Variants in WDR7 observed in about 807,000 individuals in gnomAD.
WDR7 encodes the protein WD repeat domain 7, also known as WD repeat-containing protein 7.
Under a neutral mutation model 169.4 loss-of-function variants are expected in WDR7, and 46 were observed. The observed-to-expected ratio is 0.27, with a 90% CI of 0.21 to 0.35. The LOEUF (loss-of-function observed/expected upper bound fraction) is 0.35, where lower values mean the gene tolerates loss of function less well. Among genes scored for constraint, WDR7 ranks in the 10% least tolerant of loss-of-function variants. The probability of loss-of-function intolerance (pLI) is 1.00; values close to 1 mark genes in which losing one functional copy is unlikely to be tolerated. For synonymous variants in WDR7, 612 were observed against 666.8 expected, an observed-to-expected ratio of 0.92 and a Z score of 1.27; for missense variants, 1,534 against 1,859.3, an observed-to-expected ratio of 0.83 and a Z score of 3.22.
At chr18:56,839,890 G>A (rs2045454936) in intron 20 of WDR7, among the ~76,000 whole-genome samples, 2 of 151,954 alleles carry the variant, frequency 1.3e-5, no homozygotes, top group Admixed American at 6.6e-5. Context: ...TTGAAACCTC[G>A]TCTCTACTAA....
At chr18:56,667,456 T>A (rs544831722) in intron 1 of WDR7, among the ~76,000 whole-genome samples, 76 of 152,204 alleles carry the variant, frequency 5.0e-4, no homozygotes, top group Non-Finnish European at 9.8e-4. Flanking sequence ...AGATATCTGC[T>A]TATTGGACCA....
At chr18:56,875,119 C>G (rs2046005823) in intron 20 of WDR7, among the ~76,000 whole-genome samples, 1 of 152,160 alleles carries the variant, frequency 6.6e-6, no homozygotes, top group Non-Finnish European at 1.5e-5. Flanking sequence ...GTCGTGTCCT[C>G]CAGAAGTTTT....
chr18:56,932,260 A>T (rs1245618305), intron 22 of WDR7, among the ~76,000 whole-genome samples: 1 of 152,152 alleles, frequency 6.6e-6, no homozygotes, highest in Admixed American at 6.5e-5. Context: ...AATGGAGAGA[A>T]TCCCTCAGGT....
chr18:56,831,489 A>G (rs1278803563), intron 20 of WDR7, among the ~76,000 whole-genome samples: 1 of 152,094 alleles, frequency 6.6e-6, no homozygotes, highest in Non-Finnish European at 1.5e-5. Context: ...GGCCCGAACA[A>G]AGGTAGCGCA....
chr18:56,845,081 A>G (rs751004740), intron 20 of WDR7, among the ~76,000 whole-genome samples: 23 of 152,162 alleles, frequency 1.5e-4, no homozygotes, highest in Non-Finnish European at 2.9e-4. Flanking sequence ...CTTGGAATAT[A>G]TCTCCTATGG....
chr18:56,958,859 T>C (rs996928671), intron 25 of WDR7, among the ~76,000 whole-genome samples: 1 of 152,140 alleles, frequency 6.6e-6, no homozygotes, highest in African/African-American at 2.4e-5. Flanking sequence ...CACTGGATAA[T>C]GGGTAAGTGT....
intron 21 of WDR7, among the ~76,000 whole-genome samples, chr18:56,921,240 G>A (rs1236502294): frequency 6.6e-6 from 1 of 152,220 alleles, no homozygotes; most frequent in East Asian, 1.9e-4. Context: ...TAGACAGGGA[G>A]TTTTAACATT....
At chr18:56,963,615 C>T (rs2047365055) in intron 26 of WDR7, among the ~76,000 whole-genome samples, 1 of 152,082 alleles carries the variant, frequency 6.6e-6, no homozygotes, top group African/African-American at 2.4e-5. Flanking sequence ...TGTGAATGTG[C>T]ATTGTGCATT....
intron 1 of WDR7, among the ~76,000 whole-genome samples, chr18:56,666,201 C>CTTTTTTTTTTTT (rs71169386): frequency 9.9e-6 from 1 of 100,978 alleles, no homozygotes; most frequent in Non-Finnish European, 1.8e-5. Flanking sequence ...ATTCCTTCGT[C>CTTTTTTTTTTTT]TTTTTTTTTT....
At chr18:56,932,899 G>T (rs2046908388) in intron 22 of WDR7, among the ~76,000 whole-genome samples, 1 of 147,958 alleles carries the variant, frequency 6.8e-6, no homozygotes, top group African/African-American at 2.7e-5. Context: ...GTGTGTGTGT[G>T]TGTGTGTCTA....
intron 26 of WDR7, among the ~76,000 whole-genome samples, chr18:56,971,047 G>A (rs552960785): frequency 2.3e-3 from 350 of 152,126 alleles, no homozygotes; most frequent in Non-Finnish European, 3.9e-3. Context: ...CAAGGCAGGC[G>A]GATCACCTGA....
At position 56,953,501 on chromosome 18, in the gene WDR7, G is replaced by A. The variant is rs550534019; in HGVS notation, c.4065-8929G>A. 5.9e-5 allele frequency among the ~76,000 whole-genome samples: 9 copies of A among 152,354 alleles called. No homozygotes were observed. The South Asian group carries it at 1.9e-3, about 32-fold the overall frequency. On this transcript the variant is annotated intron_variant, in intron 25 of 27. Coordinates refer to ENST00000254442, the MANE Select transcript of WDR7 (RefSeq NM_015285.3). ...TAAAATAATTTTTAAGCACTTGTGT[G>A]ACTTCTCTGAAAATTTCCAATTCAT...
chr18:56,887,381 C>G (rs942759501), intron 21 of WDR7, among the ~76,000 whole-genome samples: 1 of 152,038 alleles, frequency 6.6e-6, no homozygotes, highest in Non-Finnish European at 1.5e-5. Flanking sequence ...GTTTTAGAAC[C>G]TGGCCTGTTC....
At chr18:56,683,874 A>T (rs1313097255) in intron 5 of WDR7, among the ~76,000 whole-genome samples, 1 of 152,212 alleles carries the variant, frequency 6.6e-6, no homozygotes, top group Non-Finnish European at 1.5e-5. Flanking sequence ...GCAAATATTT[A>T]TCGAATGCCT....
intron 16 of WDR7, 40 bp from the exon 17 acceptor site, chr18:56,776,742 C>T (rs772145245): frequency 9.2e-5 from 144 of 1,571,404 alleles, no homozygotes; most frequent in Non-Finnish European, 1.2e-4. Flanking sequence ...TGCTGTACTT[C>T]AATTCTCTCC....
chr18:56,691,505 A>T, intron 8 of WDR7, 144 bp downstream of exon 8: 1 of 1,103,160 alleles, frequency 9.1e-7, no homozygotes, highest in Non-Finnish European at 1.2e-6. Flanking sequence ...TAGATTTTTA[A>T]TTCCAATTTA....
At chr18:56,674,176 ACC>A (rs2025195132) in intron 2 of WDR7, among the ~76,000 whole-genome samples, 1 of 152,132 alleles carries the variant, frequency 6.6e-6, no homozygotes, top group African/African-American at 2.4e-5. Flanking sequence ...TATGGTAGGT[ACC>A]TCTATGTTTA....
chr18:56,878,358 C>T (rs1467287345), intron 20 of WDR7, among the ~76,000 whole-genome samples: 2 of 152,154 alleles, frequency 1.3e-5, no homozygotes, highest in Non-Finnish European at 2.9e-5. Flanking sequence ...GCCCATCCCT[C>T]TTATTGCCTG....
chr18:57,015,442 G>A (rs986216557), intron 26 of WDR7, among the ~76,000 whole-genome samples: 28 of 152,234 alleles, frequency 1.8e-4, no homozygotes, highest in African/African-American at 6.7e-4. Context: ...GAAAAGAAGG[G>A]GGATTTTTTT....
Sources: gnomAD v4.1 joint callset for allele counts (sites outside exome capture counted in the v4.1 genomes callset) on GRCh38, gnomAD v4.1.1 for gene constraint, MANE v1.5 for transcripts, NCBI Gene and HGNC (gene_info 2026-07-23, HGNC 2026-07-21) for gene names.